The following SRPK2 variants were observed in gnomAD, a reference collection of about 807,000 sequenced individuals.
The protein encoded by SRPK2 is SFRS protein kinase 2.
SRPK2 carries 21 observed loss-of-function variants against 90.8 expected under a neutral mutation model. The ratio of observed to expected loss-of-function variants is 0.23; its 90% CI spans 0.16 to 0.33. SRPK2 has a LOEUF of 0.33. Ranked by LOEUF, SRPK2 falls within the 10% of genes least tolerant of loss-of-function variation. The pLI is 1.00. For synonymous variants in SRPK2, 288 were observed against 311.1 expected (o/e 0.93, Z 0.78); for missense variants, 620 against 869.0 (o/e 0.71, Z 3.60).
chr7:105,358,997 G>T (rs1818117995), intron 2 of SRPK2, among the ~76,000 whole-genome samples: 1 of 151,666 alleles, frequency 6.6e-6, no homozygotes, highest in African/African-American at 2.4e-5. Context: ...CAGTTCTCTG[G>T]AAACTAAGAG....
At chr7:105,213,331 A>T (rs528319728) in intron 2 of SRPK2, among the ~76,000 whole-genome samples, 1 of 152,316 alleles carries the variant, frequency 6.6e-6, no homozygotes, top group South Asian at 2.1e-4. Context: ...TGATATATAA[A>T]ATCTATAGCT....
intron 7 of SRPK2, among the ~76,000 whole-genome samples, chr7:105,147,049 C>T (rs1252354891): frequency 5.3e-5 from 8 of 152,204 alleles, no homozygotes; most frequent in Non-Finnish European, 1.0e-4. Context: ...TTATGATCAT[C>T]TACTTCATAT....
intron 2 of SRPK2, among the ~76,000 whole-genome samples, chr7:105,222,363 T>C (rs1383435516): frequency 1.3e-5 from 2 of 152,230 alleles, no homozygotes; most frequent in East Asian, 1.9e-4. Context: ...TCACAATAAC[T>C]TGTAACTTAA....
intron 3 of SRPK2, among the ~76,000 whole-genome samples, chr7:105,203,382 T>C (rs1795801342): frequency 6.6e-6 from 1 of 152,226 alleles, no homozygotes; most frequent in African/African-American, 2.4e-5. Flanking sequence ...TGAAAGTACC[T>C]AGAATATGTA....
chr7:105,238,364 G>A (rs1305954569), intron 2 of SRPK2, among the ~76,000 whole-genome samples: 1 of 152,192 alleles, frequency 6.6e-6, no homozygotes, highest in African/African-American at 2.4e-5. Context: ...AGCCTCAGGA[G>A]GTACAGTCTG....
intron 2 of SRPK2, among the ~76,000 whole-genome samples, chr7:105,351,215 G>A (rs957356564): frequency 6.6e-6 from 1 of 152,044 alleles, no homozygotes; most frequent in African/African-American, 2.4e-5. Flanking sequence ...CTAACCATGT[G>A]ATACTCTAGG....
intron 11 of SRPK2, among the ~76,000 whole-genome samples, chr7:105,134,538 C>A (rs548518981): frequency 1.1e-4 from 17 of 152,244 alleles, no homozygotes; most frequent in Non-Finnish European, 2.1e-4. Flanking sequence ...AATATAAACA[C>A]CTACCTAGGA....
chr7:105,297,530 A>C, intron 2 of SRPK2: 1 of 984,026 alleles, frequency 1.0e-6, no homozygotes, highest in South Asian at 4.7e-5. Context: ...TTGGTTGTTC[A>C]CTCCTATAAA....
At chr7:105,264,899 G>T (rs1180935885) in intron 2 of SRPK2, among the ~76,000 whole-genome samples, 1 of 152,102 alleles carries the variant, frequency 6.6e-6, no homozygotes, top group African/African-American at 2.4e-5. Context: ...GTTTACCTAG[G>T]CAGACTGGGA....
At chr7:105,149,496 G>A (rs1419334687) in intron 7 of SRPK2, among the ~76,000 whole-genome samples, 1 of 152,114 alleles carries the variant, frequency 6.6e-6, no homozygotes, top group Admixed American at 6.5e-5. Context: ...TAAAAACTGA[G>A]GGAACTCAGA....
intron 7 of SRPK2, among the ~76,000 whole-genome samples, chr7:105,152,225 C>T (rs1805798541): frequency 6.6e-6 from 1 of 152,082 alleles, no homozygotes; most frequent in Non-Finnish European, 1.5e-5. Flanking sequence ...TCTTGGCTCA[C>T]TGCAACCTCC....
intron 2 of SRPK2, among the ~76,000 whole-genome samples, chr7:105,366,604 C>T (rs1456852365): frequency 6.6e-6 from 1 of 151,048 alleles, no homozygotes; most frequent in Non-Finnish European, 1.5e-5. Flanking sequence ...CTCCTGACCT[C>T]GTGATCCGCC....
chr7:105,158,388 G>A (rs1806857486), intron 7 of SRPK2, among the ~76,000 whole-genome samples: 1 of 152,142 alleles, frequency 6.6e-6, no homozygotes, highest in Non-Finnish European at 1.5e-5. Flanking sequence ...CAGAGTAGCT[G>A]GGATTACAGG....
At chr7:105,232,961 G>A (rs1214400180) in intron 2 of SRPK2, among the ~76,000 whole-genome samples, 1 of 151,870 alleles carries the variant, frequency 6.6e-6, no homozygotes, top group Non-Finnish European at 1.5e-5. Context: ...CGGAGGTTGT[G>A]GTGAGCTGAG....
chr7:105,276,957 C>G (rs184643123), intron 2 of SRPK2, among the ~76,000 whole-genome samples: 103 of 152,296 alleles, frequency 6.8e-4, no homozygotes, highest in Non-Finnish European at 1.2e-3. Flanking sequence ...CTCTCCCATC[C>G]TAACTCTACT....
intron 2 of SRPK2, among the ~76,000 whole-genome samples, chr7:105,335,309 A>T (rs1004842777): frequency 6.6e-6 from 1 of 152,226 alleles, no homozygotes; most frequent in African/African-American, 2.4e-5. Context: ...TATCATTCAG[A>T]TTTTAAAAGA....
At chr7:105,363,111 C>T (rs1818623693) in intron 2 of SRPK2, among the ~76,000 whole-genome samples, 2 of 152,142 alleles carry the variant, frequency 1.3e-5, no homozygotes, top group African/African-American at 2.4e-5. Context: ...GGGTGCAGCA[C>T]ACCAACATGG....
chr7:105,179,404 G>C (rs1443426281), intron 3 of SRPK2, among the ~76,000 whole-genome samples: 1 of 152,190 alleles, frequency 6.6e-6, no homozygotes, highest in Non-Finnish European at 1.5e-5. Context: ...GAGCAGGTCA[G>C]AGTTAAGAGT....
chr7:105,253,779 A>G (rs1222600761), intron 2 of SRPK2, among the ~76,000 whole-genome samples: 1 of 152,230 alleles, frequency 6.6e-6, no homozygotes, highest in Non-Finnish European at 1.5e-5. Context: ...ATTAAGTAGT[A>G]ATTTTATTGT....
Sources: gnomAD v4.1 joint callset for allele counts (sites outside exome capture counted in the v4.1 genomes callset) on GRCh38, gnomAD v4.1.1 for gene constraint, MANE v1.5 for transcripts, NCBI Gene and HGNC (gene_info 2026-07-23, HGNC 2026-07-21) for gene names.